The following STAT3 variants were observed in gnomAD, a reference collection of about 807,000 sequenced individuals.
STAT3 encodes signal transducer and activator of transcription 3.
In STAT3, 7 loss-of-function variants were observed where a neutral mutation model predicts 114.3. That is an observed-to-expected ratio of 0.06 (90% CI 0.03 to 0.11). STAT3 has a LOEUF of 0.11. Ranked by LOEUF, STAT3 falls within the 10% of genes least tolerant of loss-of-function variation. The pLI is 1.00. For synonymous variants in STAT3, 331 were observed against 354.5 expected (o/e 0.93, Z 0.74); for missense variants, 364 against 960.9 (o/e 0.38, Z 8.21).
chr17:42,316,150 G>A lies in STAT3; in HGVS notation c.2258-350C>T. 6 of 1,134,172 alleles carry A rather than the reference G, an allele frequency of 5.3e-6. No homozygotes were observed. The South Asian group carries it at 1.0e-4, about 19-fold the overall frequency. The allele number at this position is 1,134,172 out of a possible 1,614,324, so 70.3% of individuals were successfully genotyped here. A position where few individuals can be genotyped will look rare whatever the true frequency, so the allele number is the denominator to read the frequency against. On this transcript the variant is annotated intron_variant, in intron 23 of 23. Coordinates refer to ENST00000264657, the MANE Select transcript of STAT3 (RefSeq NM_139276.3). ...AGATTTGGTTTGTCCAAACTGAGCTGTGCTGTGGCTGTCAAAAGCCCACTG... is the reference window on the plus strand; with the variant it reads ...AGATTTGGTTTGTCCAAACTGAGCTATGCTGTGGCTGTCAAAAGCCCACTG...
At chr17:42,320,765 A>T (rs1036521025) in intron 21 of STAT3, among the ~76,000 whole-genome samples, 2 of 147,862 alleles carry the variant, frequency 1.4e-5, no homozygotes, top group East Asian at 4.1e-4. Flanking sequence ...CATTGGCTTT[A>T]TGATTACAGA....
chr17:42,327,215 C>A (rs567480756), intron 14 of STAT3, among the ~76,000 whole-genome samples: 4 of 152,324 alleles, frequency 2.6e-5, no homozygotes, highest in Admixed American at 2.6e-4. Context: ...TCCCTCCTCC[C>A]TCAGAAATAA....
intron 20 of STAT3, 64 bp from the exon 21 acceptor site, chr17:42,322,558 G>A: frequency 6.3e-6 from 10 of 1,580,102 alleles, no homozygotes; most frequent in Non-Finnish European, 7.8e-6. Context: ...AGAGAAAACT[G>A]CCCATTTTTT....
chr17:42,323,453 C>T, intron 18 of STAT3, 99 bp from the exon 19 acceptor site: 1 of 1,560,816 alleles, frequency 6.4e-7, no homozygotes, highest in Non-Finnish European at 8.8e-7. Context: ...GCCCGTCTAC[C>T]TTCAGGCAGG....
intron 1 of STAT3, among the ~76,000 whole-genome samples, chr17:42,357,417 G>A (rs2083279895): frequency 6.6e-6 from 1 of 152,104 alleles, no homozygotes; most frequent in Non-Finnish European, 1.5e-5. Context: ...GGTGGCTCAT[G>A]CTTGTAATCC....
At chr17:42,318,184 G>A (rs926345820) in intron 21 of STAT3, among the ~76,000 whole-genome samples, 1 of 151,608 alleles carries the variant, frequency 6.6e-6, no homozygotes, top group Admixed American at 6.6e-5. Flanking sequence ...GTGCAGTAGC[G>A]CCATCTTGGC....
chr17:42,330,011 C>T (rs766957511), intron 11 of STAT3, among the ~76,000 whole-genome samples: 4 of 152,242 alleles, frequency 2.6e-5, no homozygotes, highest in Admixed American at 6.5e-5. Flanking sequence ...ACTTATTAAA[C>T]CTACCACCTT....
chr17:42,313,718 C>T lies in STAT3; in HGVS notation c.*2027G>A, dbSNP rs1049525647. 4.3e-6 allele frequency: 1 copy of T among 232,838 alleles called. No homozygotes were observed. The highest frequency in any genetic ancestry group is 8.5e-6 in the Non-Finnish European group (1 of 117,504). The allele number at this position is 232,838 out of a possible 1,614,324, so 14.4% of individuals were successfully genotyped here. ...CTGCTCCAGAGAAGCCCTGAACCCTCGCCCTAGGTCCCTATGATTTAAACC... is the reference window on the plus strand; with the variant it reads ...CTGCTCCAGAGAAGCCCTGAACCCTTGCCCTAGGTCCCTATGATTTAAACC... On this transcript the variant is annotated 3_prime_UTR_variant, in exon 24 of 24. Transcript: ENST00000264657.
At chr17:42,387,842 A>C (rs1398827023) in intron 1 of STAT3, 5 of 158,230 alleles carry the variant, frequency 3.2e-5, no homozygotes, top group Non-Finnish European at 5.5e-5. Flanking sequence ...AAGCGGAGGA[A>C]GTGGCTCAGC....
Position 42,330,725 on chromosome 17 carries a change from G to A in STAT3, c.1109+747C>T, listed in dbSNP as rs140568988. Among the ~76,000 whole-genome samples, 597 of 151,682 alleles carry A rather than the reference G, an allele frequency of 3.9e-3. 2 individuals carry two copies. The highest frequency in any genetic ancestry group is 5.9e-3 in the Non-Finnish European group (401 of 67,906). ...ATTACAGGCATGAGCCACCGCGCCC[G>A]GCCCACATTTTCTCTTTTCTAATGT... On this transcript the variant is annotated intron_variant, in intron 11 of 23. Transcript: ENST00000264657.
intron 10 of STAT3, among the ~76,000 whole-genome samples, chr17:42,332,395 G>A (rs1192667420): frequency 3.3e-5 from 5 of 150,586 alleles, no homozygotes; most frequent in African/African-American, 7.3e-5. Context: ...AAAATCAGCC[G>A]GGCATGGTGG....
In STAT3 at chr17:42,358,933, C is replaced by CTTTT. The variant is rs35099574; in HGVS notation, c.-23-10398_-23-10395dup. On this transcript the variant is annotated intron_variant, in intron 1 of 23. Coordinates refer to ENST00000264657, the MANE Select transcript of STAT3 (RefSeq NM_139276.3). ...GTCTCCCTTTCATGGACATTTCTTA[C>CTTTT]TTTTTTTTTTTTTTTTTTTGAGATG... Among the ~76,000 whole-genome samples the CTTTT allele has an allele frequency of 1.3e-4, 13 of 100,498 alleles. 2 individuals carry two copies. Among genetic ancestry groups the CTTTT allele is most frequent in the East Asian group, 2.9e-4 (1 of 3,450 alleles). 65.9% of individuals were successfully genotyped at this position (100,498 alleles called of 152,430 possible). A position where few individuals can be genotyped will look rare whatever the true frequency, so the allele number is the denominator to read the frequency against.
Position 42,324,821 on chromosome 17 carries a change from G to A in STAT3, c.1490C>T (p.Pro497Leu). Residue 497 changes from proline (P) to leucine (L), a missense_variant, in exon 17 of 24, where the codon CCA (proline) becomes CTA (leucine). By Grantham distance (98) the Pro-to-Leu change is moderately conservative. Coordinates refer to ENST00000264657, the MANE Select transcript of STAT3 (RefSeq NM_139276.3). The surrounding 1 kb of genome is among the most constrained non-coding windows in gnomAD (Gnocchi z 4.5). Reference sequence around the variant, plus strand: ...GGCCACTTGATCCCAGGTTCCAATTGGGGGCTTGGTAAAAAAGTTTACATT... The same window carrying A: ...GGCCACTTGATCCCAGGTTCCAATTAGGGGCTTGGTAAAAAAGTTTACATT... ...PKNVNFFTKP[P>L]IGTWDQVAEV... The A allele has an allele frequency of 4.3e-6, 7 of 1,614,134 alleles. No individual in the cohort carries two copies. Among genetic ancestry groups the A allele is most frequent in the Non-Finnish European group, 5.9e-6 (7 of 1,180,030 alleles).
intron 1 of STAT3, among the ~76,000 whole-genome samples, chr17:42,363,918 T>G (rs1298121065): frequency 6.6e-6 from 1 of 152,166 alleles, no homozygotes; most frequent in Non-Finnish European, 1.5e-5. Context: ...AGGCTCTCCC[T>G]AACCCCACCC....
At chr17:42,327,062 T>C (rs920993573) in intron 14 of STAT3, among the ~76,000 whole-genome samples, 3 of 152,166 alleles carry the variant, frequency 2.0e-5, no homozygotes, top group Non-Finnish European at 1.5e-5. Context: ...GTTTGTATTA[T>C]AATATTACAT....
intron 8 of STAT3, among the ~76,000 whole-genome samples, chr17:42,335,874 A>G (rs1340589161): frequency 1.3e-5 from 2 of 152,074 alleles, no homozygotes; most frequent in African/African-American, 4.8e-5. Flanking sequence ...AAAAAATTAA[A>G]AAAAGAGAGA....
chr17:42,360,246 TGGTCTCGAACTCCTAGGCTCAA>T (rs929185943), intron 1 of STAT3, among the ~76,000 whole-genome samples: 5 of 151,682 alleles, frequency 3.3e-5, no homozygotes, highest in African/African-American at 1.2e-4. Flanking sequence ...TTGCCCAGGC[TGGTCTCGAACTCCTAGGCTCAA>T]GCGATCCTCC....
chr17:42,317,072 G>T (rs2081283049), intron 22 of STAT3, 110 bp downstream of exon 22: 6 of 1,584,024 alleles, frequency 3.8e-6, no homozygotes, highest in Non-Finnish European at 4.3e-6. Flanking sequence ...ACTAAACATA[G>T]CCCAGGGGCT....
chr17:42,375,203 C>T (rs1015059958), intron 1 of STAT3, among the ~76,000 whole-genome samples: 1 of 152,238 alleles, frequency 6.6e-6, no homozygotes, highest in Non-Finnish European at 1.5e-5. Context: ...TACATGTCTA[C>T]TCTTCCACTT....
Sources: gnomAD v4.1 joint callset for allele counts (sites outside exome capture counted in the v4.1 genomes callset) on GRCh38, gnomAD v4.1.1 for gene constraint, Gnocchi (gnomAD v3.1) non-coding constraint, MANE v1.5 for transcripts, NCBI Gene and HGNC (gene_info 2026-07-23, HGNC 2026-07-21) for gene names.